The following CCDC201 variants were observed in gnomAD, a reference collection of about 807,000 sequenced individuals.
The protein encoded by CCDC201 is coiled-coil domain-containing protein 201.
the CCDC201 span, among the ~76,000 whole-genome samples, chr7:45,878,694 G>C: frequency 1.3e-5 from 2 of 152,348 alleles, no homozygotes; most frequent in East Asian, 3.9e-4. Flanking sequence ...GCCCCTCCTG[G>C]GCCTCTGGGC....
chr7:45,870,138 C>T (rs1334295823), intron 1 of CCDC201, among the ~76,000 whole-genome samples: 1 of 152,236 alleles, frequency 6.6e-6, no homozygotes, highest in East Asian at 1.9e-4. Context: ...TTCTTACCCA[C>T]ATTTGGCACT....
chr7:45,879,779 G>A, the CCDC201 span, among the ~76,000 whole-genome samples: 1 of 152,196 alleles, frequency 6.6e-6, no homozygotes, highest in African/African-American at 2.4e-5. Context: ...ACCTAACACA[G>A]TATTGCTTTA....
the CCDC201 span, among the ~76,000 whole-genome samples, chr7:45,880,731 G>T: frequency 5.3e-5 from 8 of 152,236 alleles, no homozygotes; most frequent in South Asian, 1.4e-3. Flanking sequence ...AGTGCTTGCC[G>T]CCGTGTTGTA....
chr7:45,883,303 A>G, the CCDC201 span, among the ~76,000 whole-genome samples: 2 of 152,192 alleles, frequency 1.3e-5, no homozygotes, highest in Non-Finnish European at 2.9e-5. Flanking sequence ...ACACACACAC[A>G]GAAGTACGTA....
At chr7:45,868,900 C>T (rs1786710800) in intron 1 of CCDC201, among the ~76,000 whole-genome samples, 1 of 152,206 alleles carries the variant, frequency 6.6e-6, no homozygotes, top group Admixed American at 6.5e-5. Context: ...AGTCCTTCTC[C>T]CTCTAGGTAG....
chr7:45,871,884 T>G (rs1210520159), intron 1 of CCDC201, among the ~76,000 whole-genome samples: 3 of 152,214 alleles, frequency 2.0e-5, no homozygotes, highest in Non-Finnish European at 4.4e-5. Context: ...ATGAAAACTT[T>G]AGACAACACA....
chr7:45,864,115 C>A lies in CCDC201; in HGVS notation c.478-944G>T, dbSNP rs1402191224. On this transcript the variant is annotated intron_variant, in intron 2 of 2. Transcript: ENST00000636578. The stretch of plus-strand genomic sequence containing the variant: ...GTTTATGTCCGTCCACAGAGGGTGA[C>A]CTCTAGGGAGGCTGCTGAGAGCTGA... 2.0e-5 allele frequency among the ~76,000 whole-genome samples: 3 copies of A among 152,284 alleles called. No individual in the cohort carries two copies. The East Asian group carries it at 5.8e-4, about 29-fold the overall frequency.
chr7:45,866,224 C>T (rs897960451), exon 2 of CCDC201: 1 of 161,526 alleles, frequency 6.2e-6, no homozygotes, highest in African/African-American at 2.4e-5. Context: ...GCTGAGAGAT[C>T]CAAGCTGGAC....
chr7:45,883,942 T>A, the CCDC201 span, among the ~76,000 whole-genome samples: 33 of 152,104 alleles, frequency 2.2e-4, no homozygotes, highest in Non-Finnish European at 4.1e-4. Flanking sequence ...TCCCTGGTGA[T>A]CTTCCAGAAC....
chr7:45,870,955 T>G (rs980208162), intron 1 of CCDC201, among the ~76,000 whole-genome samples: 5 of 152,226 alleles, frequency 3.3e-5, no homozygotes, highest in Non-Finnish European at 7.3e-5. Flanking sequence ...GACTGGGACT[T>G]TTATCAAACA....
At chr7:45,883,520 G>C in the CCDC201 span, among the ~76,000 whole-genome samples, 8 of 152,116 alleles carry the variant, frequency 5.3e-5, no homozygotes, top group Non-Finnish European at 1.2e-4. Flanking sequence ...CCTTTGGGTG[G>C]TCAAAGGCCC....
intron 1 of CCDC201, among the ~76,000 whole-genome samples, chr7:45,872,248 C>G (rs1055996698): frequency 6.6e-6 from 1 of 152,162 alleles, no homozygotes; most frequent in Non-Finnish European, 1.5e-5. Context: ...GCACGGGAAA[C>G]TAGGAATGGG....
the CCDC201 span, among the ~76,000 whole-genome samples, chr7:45,880,712 C>A: frequency 1.3e-5 from 2 of 152,354 alleles, no homozygotes; most frequent in East Asian, 3.9e-4. Flanking sequence ...GCCAGGGTCA[C>A]CTGTCCTTAG....
the CCDC201 span, among the ~76,000 whole-genome samples, chr7:45,883,978 T>TCTTTA: frequency 6.6e-6 from 1 of 151,294 alleles, no homozygotes; most frequent in Non-Finnish European, 1.5e-5. Context: ...TTTCTTTCTT[T>TCTTTA]CTTTTCTTTT....
At chr7:45,867,125 T>C (rs1375900186) in intron 1 of CCDC201, among the ~76,000 whole-genome samples, 1 of 152,260 alleles carries the variant, frequency 6.6e-6, no homozygotes, top group Non-Finnish European at 1.5e-5. Context: ...CAAGCACATT[T>C]GTGTTCACCA....
the CCDC201 span, among the ~76,000 whole-genome samples, chr7:45,878,715 A>T: frequency 6.6e-6 from 1 of 152,236 alleles, no homozygotes; most frequent in Non-Finnish European, 1.5e-5. Flanking sequence ...CTGTGTTGGG[A>T]GTGGCTGCCC....
chr7:45,865,903 A>G (rs1169719135), intron 2 of CCDC201, 133 bp downstream of exon 2: 1 of 152,744 alleles, frequency 6.5e-6, no homozygotes, highest in Non-Finnish European at 1.5e-5. Flanking sequence ...ATGCCACGCC[A>G]TGGGAGCATT....
upstream of CCDC201, among the ~76,000 whole-genome samples, chr7:45,873,831 A>C (rs975195308): frequency 3.3e-5 from 5 of 151,998 alleles, no homozygotes; most frequent in African/African-American, 1.2e-4. Context: ...GATCTGTGGT[A>C]GTTTGTTCTT....
upstream of CCDC201, among the ~76,000 whole-genome samples, chr7:45,873,550 G>A (rs545548585): frequency 1.1e-4 from 17 of 152,140 alleles, no homozygotes; most frequent in African/African-American, 2.4e-4. Flanking sequence ...AGCCCAGAGC[G>A]CTGGGCCAGC....
Sources: allele counts gnomAD v4.1 joint callset (sites outside exome capture counted in the v4.1 genomes callset), GRCh38; gene constraint gnomAD v4.1.1; transcripts MANE v1.5; gene names NCBI Gene and HGNC (gene_info 2026-07-23, HGNC 2026-07-21).